The following LSAMP variants were observed in gnomAD, a reference collection of about 807,000 sequenced individuals.
LSAMP encodes the protein limbic system associated membrane protein.
In LSAMP, 7 loss-of-function variants were observed where a neutral mutation model predicts 38.6. The observed-to-expected ratio is 0.18, with a 90% CI of 0.10 to 0.34. The LOEUF is 0.34. Ranked by LOEUF, LSAMP falls within the 10% of genes least tolerant of loss-of-function variation. The pLI is 1.00. For missense variants in LSAMP, 313 were observed against 420.0 expected (o/e 0.75, Z 2.23); for synonymous variants, 154 against 166.8 (o/e 0.92, Z 0.59).
chr3:116,417,715 T>C (rs1034951125), intron 1 of LSAMP, among the ~76,000 whole-genome samples: 3 of 152,222 alleles, frequency 2.0e-5, no homozygotes, highest in Non-Finnish European at 4.4e-5. Flanking sequence ...GGTTTCCTAT[T>C]CTTTTAATAA....
At chr3:116,170,501 G>T (rs945139096) in intron 1 of LSAMP, among the ~76,000 whole-genome samples, 2 of 152,128 alleles carry the variant, frequency 1.3e-5, no homozygotes, top group African/African-American at 4.8e-5. Context: ...GTTTATAATT[G>T]GGAAAATAGA....
At chr3:115,840,415 T>C (rs191132965) in intron 6 of LSAMP, among the ~76,000 whole-genome samples, 1 of 152,242 alleles carries the variant, frequency 6.6e-6, no homozygotes, top group African/African-American at 2.4e-5. Flanking sequence ...GTAACTACAG[T>C]TCTTAAGAAG....
chr3:115,911,729 G>C (rs1257661533), intron 3 of LSAMP, among the ~76,000 whole-genome samples: 1 of 152,202 alleles, frequency 6.6e-6, no homozygotes, highest in Non-Finnish European at 1.5e-5. Context: ...TATAGTAGCT[G>C]TATGTTTAAT....
At chr3:116,203,711 C>T (rs1197272604) in intron 1 of LSAMP, among the ~76,000 whole-genome samples, 4 of 151,882 alleles carry the variant, frequency 2.6e-5, no homozygotes, top group African/African-American at 9.7e-5. Flanking sequence ...TCATCCATGT[C>T]CCTACAAAGG....
intron 1 of LSAMP, among the ~76,000 whole-genome samples, chr3:116,127,918 C>A (rs967559556): frequency 6.6e-6 from 1 of 152,010 alleles, no homozygotes; most frequent in Non-Finnish European, 1.5e-5. Flanking sequence ...CTTAGCATTT[C>A]TAGTAGAAGT....
At chr3:115,815,204 TTG>T (rs1426769996) in intron 6 of LSAMP, among the ~76,000 whole-genome samples, 2 of 152,204 alleles carry the variant, frequency 1.3e-5, no homozygotes, top group Admixed American at 1.3e-4. Flanking sequence ...TTTGTTAGAA[TTG>T]TTTTATTATT....
At chr3:115,842,715 T>C in intron 4 of LSAMP, 137 bp from the exon 5 acceptor site, 1 of 1,055,914 alleles carries the variant, frequency 9.5e-7, no homozygotes, top group Non-Finnish European at 1.3e-6. Flanking sequence ...TTGTATGAAT[T>C]ATGTGATCAG....
At position 116,027,780 on chromosome 3, in the gene LSAMP, A is replaced by G. The variant is rs537464504; in HGVS notation, c.389-8140T>C. On this transcript the variant is annotated intron_variant, in intron 2 of 6. Coordinates refer to ENST00000490035, the MANE Select transcript of LSAMP (RefSeq NM_002338.5). ...CTTGGTTCCTAACTGAACAACCATC[A>G]GAGGGAAACTAATCAGTTCCAGAGT... 2.0e-5 allele frequency among the ~76,000 whole-genome samples: 3 copies of G among 152,306 alleles called. No homozygotes were observed. In the South Asian group the frequency reaches 6.2e-4, roughly 32 times the overall value.
chr3:116,351,801 G>C (rs2048144344), intron 1 of LSAMP, among the ~76,000 whole-genome samples: 1 of 152,032 alleles, frequency 6.6e-6, no homozygotes, highest in Non-Finnish European at 1.5e-5. Flanking sequence ...AATACATTTG[G>C]AAGTCTGGAA....
At chr3:116,017,375 T>C (rs962019964) in intron 3 of LSAMP, among the ~76,000 whole-genome samples, 1 of 152,146 alleles carries the variant, frequency 6.6e-6, no homozygotes. Context: ...CTAACTCCCA[T>C]TTCCCTTCTT....
intron 3 of LSAMP, among the ~76,000 whole-genome samples, chr3:116,008,524 C>T (rs952850249): frequency 2.6e-5 from 4 of 152,160 alleles, no homozygotes; most frequent in Admixed American, 6.6e-5. Flanking sequence ...AGAAAAGTAG[C>T]TACTGTCATT....
chr3:116,269,023 T>A (rs909318793), intron 1 of LSAMP, among the ~76,000 whole-genome samples: 10 of 152,114 alleles, frequency 6.6e-5, no homozygotes, highest in Admixed American at 6.5e-4. Flanking sequence ...AGCCCTTCTG[T>A]TGGGTGGTCC....
intron 2 of LSAMP, among the ~76,000 whole-genome samples, chr3:116,047,288 T>C (rs943307966): frequency 6.6e-6 from 1 of 151,488 alleles, no homozygotes; most frequent in East Asian, 1.9e-4. Flanking sequence ...AAAAATCCTA[T>C]ATAGAGGCAA....
intron 3 of LSAMP, among the ~76,000 whole-genome samples, chr3:115,955,120 G>A (rs1242156436): frequency 6.6e-6 from 1 of 151,994 alleles, no homozygotes; most frequent in Non-Finnish European, 1.5e-5. Context: ...ATTTTTAGTA[G>A]AGACGGGGTT....
At chr3:116,060,840 C>T (rs1046356233) in intron 2 of LSAMP, among the ~76,000 whole-genome samples, 1 of 151,306 alleles carries the variant, frequency 6.6e-6, no homozygotes, top group Admixed American at 6.6e-5. Context: ...AAATTTTGCA[C>T]CTACAATACC....
chr3:115,937,402 A>C (rs4381931), intron 3 of LSAMP, among the ~76,000 whole-genome samples: 66,548 of 151,928 alleles, frequency 0.44, 15,861 homozygotes, highest in East Asian at 0.75. Context: ...GCATGTTGGG[A>C]TGCTGAGGTG....
chr3:115,954,114 C>T (rs76720177), intron 3 of LSAMP, among the ~76,000 whole-genome samples: 2,931 of 152,296 alleles, frequency 0.019, 89 homozygotes, highest in African/African-American at 0.066. Flanking sequence ...CCCACTCCCT[C>T]ATCCCGATTC....
chr3:116,306,885 A>G (rs1158796493), intron 1 of LSAMP, among the ~76,000 whole-genome samples: 5 of 152,014 alleles, frequency 3.3e-5, no homozygotes, highest in African/African-American at 1.2e-4. Context: ...GTTTCCCAAG[A>G]GTCGTCTGAG....
At chr3:116,216,098 GATTCATGATTTCATGAATCACTTT>G (rs1228551942) in intron 1 of LSAMP, among the ~76,000 whole-genome samples, 7 of 152,116 alleles carry the variant, frequency 4.6e-5, no homozygotes, top group Non-Finnish European at 7.3e-5. Context: ...TTTCCAGTGT[GATTCATGATTTCATGAATCACTTT>G]ATTCATGAAA....
Sources: gnomAD v4.1 joint callset for allele counts (sites outside exome capture counted in the v4.1 genomes callset) on GRCh38, gnomAD v4.1.1 for gene constraint, MANE v1.5 for transcripts, NCBI Gene and HGNC (gene_info 2026-07-23, HGNC 2026-07-21) for gene names.